Variants in SLC71A2 observed in about 807,000 individuals in gnomAD.
SLC71A2 encodes hippocampus abundant transcript-like 1.
the SLC71A2 span, among the ~76,000 whole-genome samples, chr9:94,439,532 C>T: frequency 1.5e-5 from 2 of 137,292 alleles, no homozygotes; most frequent in Non-Finnish European, 3.1e-5. Context: ...GTTTTTAATC[C>T]TATTAATAGA....
At chr9:94,436,706 T>G in the SLC71A2 span, among the ~76,000 whole-genome samples, 2 of 152,084 alleles carry the variant, frequency 1.3e-5, no homozygotes, top group African/African-American at 4.8e-5. Context: ...CTCTTATCAG[T>G]TTACCTATGT....
the SLC71A2 span, among the ~76,000 whole-genome samples, chr9:94,385,955 C>T: frequency 2.0e-5 from 3 of 152,020 alleles, no homozygotes; most frequent in African/African-American, 4.8e-5. Flanking sequence ...GTGGTGTGGT[C>T]GTGGCTCACT....
chr9:94,384,487 G>C, the SLC71A2 span, among the ~76,000 whole-genome samples: 39 of 152,076 alleles, frequency 2.6e-4, no homozygotes, highest in Admixed American at 4.6e-4. Context: ...GTACAGGCGC[G>C]CACGAGCAGG....
chr9:94,390,380 A>G, the SLC71A2 span, among the ~76,000 whole-genome samples: 1 of 149,588 alleles, frequency 6.7e-6, no homozygotes, highest in Non-Finnish European at 1.5e-5. Context: ...TGCTTTTCAT[A>G]TGTTGAATTG....
chr9:94,398,002 T>C, the SLC71A2 span, among the ~76,000 whole-genome samples: 3 of 152,086 alleles, frequency 2.0e-5, no homozygotes, highest in Admixed American at 6.6e-5. Context: ...AGTAGTTATA[T>C]TCCACCTACT....
chr9:94,385,382 G>T, the SLC71A2 span, among the ~76,000 whole-genome samples: 1 of 152,064 alleles, frequency 6.6e-6, no homozygotes, highest in Non-Finnish European at 1.5e-5. Context: ...ATAGGTCTTT[G>T]GTTCATTTTA....
the SLC71A2 span, among the ~76,000 whole-genome samples, chr9:94,382,694 T>C: frequency 1.3e-5 from 2 of 152,116 alleles, no homozygotes; most frequent in East Asian, 3.9e-4. Context: ...GTCTCTTTCT[T>C]TGTCGCCCAG....
At chr9:94,441,614 C>T in the SLC71A2 span, among the ~76,000 whole-genome samples, 10 of 152,268 alleles carry the variant, frequency 6.6e-5, no homozygotes, top group Middle Eastern at 3.4e-3. Flanking sequence ...CCCGGAGGAG[C>T]GTTAAGCAGT....
chr9:94,408,929 C>T, the SLC71A2 span, among the ~76,000 whole-genome samples: 182 of 150,458 alleles, frequency 1.2e-3, no homozygotes, highest in Admixed American at 2.1e-3. Context: ...TGGGTTCAAG[C>T]GATTCTCCTG....
chr9:94,416,364 T>TA, the SLC71A2 span, among the ~76,000 whole-genome samples: 53 of 150,256 alleles, frequency 3.5e-4, no homozygotes, highest in African/African-American at 1.1e-3. Context: ...AAACAAAAAT[T>TA]AAAAAAAAAA....
the SLC71A2 span, chr9:94,460,268 A>C: frequency 1.3e-5 from 2 of 152,638 alleles, no homozygotes; most frequent in African/African-American, 4.8e-5. Flanking sequence ...GTAACTGGAT[A>C]CGAGTGAAGT....
At chr9:94,439,084 C>T in the SLC71A2 span, among the ~76,000 whole-genome samples, 5 of 136,056 alleles carry the variant, frequency 3.7e-5, no homozygotes, top group South Asian at 2.3e-4. Context: ...TGCAGTGGCA[C>T]GATCTTGGCT....
At chr9:94,454,046 G>C in the SLC71A2 span, 1 of 1,613,808 alleles carries the variant, frequency 6.2e-7, no homozygotes, top group East Asian at 2.2e-5. Context: ...CAGTTAGCCT[G>C]GTACGGTTTT....
At chr9:94,409,997 T>A in the SLC71A2 span, among the ~76,000 whole-genome samples, 48 of 146,664 alleles carry the variant, frequency 3.3e-4, no homozygotes, top group African/African-American at 1.0e-3. Context: ...TTCTATCAGT[T>A]ACTGAAAATG....
chr9:94,400,043 T>G, the SLC71A2 span, among the ~76,000 whole-genome samples: 7 of 152,102 alleles, frequency 4.6e-5, no homozygotes, highest in African/African-American at 1.7e-4. Context: ...ACTCATGATC[T>G]CAAGTGATCC....
chr9:94,391,197 CAAAAA>C, the SLC71A2 span, among the ~76,000 whole-genome samples: 9 of 59,064 alleles, frequency 1.5e-4, no homozygotes, highest in Admixed American at 7.9e-4. Flanking sequence ...ATGTCTCTAC[CAAAAA>C]AAAAAAAAAA....
At chr9:94,410,489 T>C in the SLC71A2 span, among the ~76,000 whole-genome samples, 1 of 151,878 alleles carries the variant, frequency 6.6e-6, no homozygotes, top group Admixed American at 6.6e-5. Flanking sequence ...TCCTTCCAAA[T>C]AGCTGGGACT....
chr9:94,454,741 C>G, the SLC71A2 span, among the ~76,000 whole-genome samples: 1 of 152,132 alleles, frequency 6.6e-6, no homozygotes, highest in Non-Finnish European at 1.5e-5. Flanking sequence ...CTGATTATGG[C>G]AAGCTTCACT....
chr9:94,406,225 G>A, the SLC71A2 span, among the ~76,000 whole-genome samples: 1 of 151,332 alleles, frequency 6.6e-6, no homozygotes, highest in Non-Finnish European at 1.5e-5. Context: ...GCGCCAGCAC[G>A]TCTGGCTAAG....
Sources: allele counts gnomAD v4.1 joint callset (sites outside exome capture counted in the v4.1 genomes callset), GRCh38; gene constraint gnomAD v4.1.1; transcripts MANE v1.5; gene names NCBI Gene and HGNC (gene_info 2026-07-23, HGNC 2026-07-21).